The following NAV1 variants were observed in gnomAD, a reference collection of about 807,000 sequenced individuals.
NAV1 encodes the protein neuron navigator 1.
A neutral mutation model predicts 175.2 loss-of-function variants in NAV1; 18 were observed. The observed-to-expected ratio is 0.10, with a 90% CI of 0.07 to 0.15. The LOEUF (loss-of-function observed/expected upper bound fraction) is 0.15. Among genes scored for constraint, NAV1 ranks in the 10% least tolerant of loss-of-function variants. The pLI is 1.00. For missense variants in NAV1, 1,731 were observed against 2,436.6 expected (o/e 0.71, Z 6.10); for synonymous variants, 897 against 978.7 (o/e 0.92, Z 1.56).
At chr1:201,638,433 C>T (rs1668666691) in intron 2 of NAV1, among the ~76,000 whole-genome samples, 1 of 152,196 alleles carries the variant, frequency 6.6e-6, no homozygotes, top group South Asian at 2.1e-4. Context: ...ACTTCAGGTG[C>T]AGCAGATGTC....
chr1:201,792,718 A>C (rs776598058), intron 13 of NAV1: 3 of 152,212 alleles, frequency 2.0e-5, no homozygotes, highest in Non-Finnish European at 4.4e-5. Flanking sequence ...GACATATTAT[A>C]ATCTCCTCAG....
chr1:201,612,583 T>A (rs1421483056), intron 2 of NAV1, among the ~76,000 whole-genome samples: 5 of 152,208 alleles, frequency 3.3e-5, no homozygotes, highest in Non-Finnish European at 7.3e-5. Context: ...GATGGTGACA[T>A]CTGTGTGTCC....
At chr1:201,664,852 C>T (rs1669752103) in intron 1 of NAV1, among the ~76,000 whole-genome samples, 1 of 152,144 alleles carries the variant, frequency 6.6e-6, no homozygotes, top group Admixed American at 6.5e-5. Context: ...CATCTCCTCC[C>T]TTTTCCCCTG....
At chr1:201,646,886 A>T (rs2102326901), upstream of NAV1, among the ~76,000 whole-genome samples, 1 of 152,284 alleles carries the variant, frequency 6.6e-6, no homozygotes, top group Middle Eastern at 3.4e-3. Flanking sequence ...AATACATTTC[A>T]CACCAGGCAG....
exon 5 of NAV1, chr1:201,781,187 G>C (rs750743254): frequency 1.6e-5 from 26 of 1,614,016 alleles, no homozygotes; most frequent in Non-Finnish European, 2.2e-5. Context: ...TCATCCAAGG[G>C]TGGAGAACTG....
intron 1 of NAV1, among the ~76,000 whole-genome samples, chr1:201,586,167 G>T (rs1667021019): frequency 6.6e-6 from 1 of 152,062 alleles, no homozygotes; most frequent in South Asian, 2.1e-4. Context: ...GCTACAACAT[G>T]GGTGAACCTT....
chr1:201,779,553 G>A (rs888442888), intron 3 of NAV1, among the ~76,000 whole-genome samples: 17 of 127,754 alleles, frequency 1.3e-4, no homozygotes, highest in African/African-American at 4.7e-4. Context: ...AGCTGTAATT[G>A]TGCCACTGCA....
At chr1:201,755,103 G>A (rs1674371794) in intron 3 of NAV1, among the ~76,000 whole-genome samples, 1 of 152,126 alleles carries the variant, frequency 6.6e-6, no homozygotes, top group Non-Finnish European at 1.5e-5. Context: ...CCTTAAATAT[G>A]CCCCAGTTGA....
rs1004357946 is a variant in NAV1, at chr1:201,570,885, C to A, written c.-143-17654C>A. On this transcript the variant is annotated intron_variant, in intron 1 of 33. Transcript: ENST00000685211. ...CATGGCCTATTTTCTACCATTAGCC[C>A]TGCAGCTGCCTCTGCTCTGCCGCTG... Among the ~76,000 whole-genome samples the A allele has an allele frequency of 2.0e-5, 3 of 152,258 alleles. No individual in the cohort carries two copies. In the South Asian group the frequency reaches 6.2e-4, roughly 31 times the overall value.
At chr1:201,670,173 C>T (rs917511813) in intron 1 of NAV1, among the ~76,000 whole-genome samples, 4 of 151,388 alleles carry the variant, frequency 2.6e-5, no homozygotes, top group East Asian at 1.9e-4. Flanking sequence ...TGGCAGATCA[C>T]GAGGTCAGGA....
intron 11 of NAV1, 78 bp from the exon 16 acceptor site, chr1:201,790,476 C>CT (rs1398653617): frequency 6.5e-7 from 1 of 1,533,674 alleles, no homozygotes; most frequent in African/African-American, 1.4e-5. Context: ...TACCCTGCCA[C>CT]TGGGACCTGA....
At chr1:201,554,640 G>A (rs573419231) in intron 1 of NAV1, among the ~76,000 whole-genome samples, 31 of 152,324 alleles carry the variant, frequency 2.0e-4, no homozygotes, top group African/African-American at 6.3e-4. Flanking sequence ...TCCAAAAGTC[G>A]TGCAGTCTTT....
upstream of NAV1, among the ~76,000 whole-genome samples, chr1:201,648,055 C>G (rs1420577572): frequency 6.6e-6 from 1 of 151,504 alleles, no homozygotes; most frequent in East Asian, 2.0e-4. Context: ...AGATACCTCC[C>G]CCTCCCGAGC....
At chr1:201,671,708 G>C (rs934678267) in intron 1 of NAV1, among the ~76,000 whole-genome samples, 1 of 152,172 alleles carries the variant, frequency 6.6e-6, no homozygotes, top group Admixed American at 6.5e-5. Flanking sequence ...GGGTCTCTAG[G>C]CAGTGGGCAT....
At position 201,788,448 on chromosome 1, in the gene NAV1, C is replaced by T. The variant is rs1304179978; in HGVS notation, c.2996-20C>T. On this transcript the variant is annotated intron_variant, in intron 9 of 29. Transcript: ENST00000367296. The surrounding 1 kb of genome is among the most constrained non-coding windows in gnomAD (Gnocchi z 5.7). ...GCCCTCCTGCTCCCTCTCCTGTCCC[C>T]CTTCCCTCTGTCCTTCCAGTGAGTC... The T allele has an allele frequency of 6.2e-7, 1 of 1,613,786 alleles. No individual in the cohort carries two copies. The highest frequency in any genetic ancestry group is 1.7e-5 in the Admixed American group (1 of 60,010).
chr1:201,690,953 G>T (rs1670906644), intron 1 of NAV1, among the ~76,000 whole-genome samples: 1 of 152,194 alleles, frequency 6.6e-6, no homozygotes, highest in Admixed American at 6.5e-5. Context: ...CCCTCTGCAT[G>T]AATAACTCCA....
Position 201,808,349 on chromosome 1 carries a change from C to G in NAV1, c.3846-69C>G. 6.6e-7 allele frequency: 1 copy of G among 1,518,816 alleles called. No homozygotes were observed. The highest frequency in any genetic ancestry group is 1.3e-5 in the South Asian group (1 of 77,362). The allele number at this position is 1,518,816 out of a possible 1,614,324, so 94.1% of individuals were successfully genotyped here. On this transcript the variant is annotated intron_variant, in intron 18 of 29. Coordinates refer to ENST00000367296, the Ensembl canonical transcript of NAV1. This position sits in a 1 kb window ranked among gnomAD's most constrained non-coding sequence, Gnocchi z 5.5. Reference sequence around the variant, plus strand: ...GGAGAAGCCAAGACCACCAACCATGCCTCTCAATATTCTCTAGTAACTCTA... The same window carrying G: ...GGAGAAGCCAAGACCACCAACCATGGCTCTCAATATTCTCTAGTAACTCTA...
intron 2 of NAV1, among the ~76,000 whole-genome samples, chr1:201,615,970 C>T (rs1014381913): frequency 2.0e-5 from 3 of 152,032 alleles, no homozygotes; most frequent in Non-Finnish European, 4.4e-5. Context: ...GCCTCTATCC[C>T]TGGGTACGTG....
intron 2 of NAV1, among the ~76,000 whole-genome samples, chr1:201,589,226 A>G (rs184104900): frequency 2.6e-4 from 40 of 152,298 alleles, no homozygotes; most frequent in Non-Finnish European, 5.4e-4. Flanking sequence ...CACTTCTCTA[A>G]CTTATTTGAA....
Sources: gnomAD v4.1 joint callset for allele counts (sites outside exome capture counted in the v4.1 genomes callset) on GRCh38, gnomAD v4.1.1 for gene constraint, Gnocchi (gnomAD v3.1) non-coding constraint, MANE v1.5 for transcripts, NCBI Gene and HGNC (gene_info 2026-07-23, HGNC 2026-07-21) for gene names.